MTSS1: variants seen among roughly 807,000 people sequenced by gnomAD.
The protein encoded by MTSS1 is MTSS I-BAR domain containing 1.
MTSS1 carries 18 observed loss-of-function variants against 79.0 expected under a neutral mutation model. That is an observed-to-expected ratio of 0.23 (90% CI 0.16 to 0.34). MTSS1 has a LOEUF of 0.34. Among genes scored for constraint, MTSS1 ranks in the 10% least tolerant of loss-of-function variants. The pLI is 1.00. For synonymous variants in MTSS1, 341 were observed against 368.6 expected, an observed-to-expected ratio of 0.93 and a Z score of 0.86; for missense variants, 815 against 986.2, an observed-to-expected ratio of 0.83 and a Z score of 2.33.
chr8:124,720,315 T>G (rs562918665), intron 1 of MTSS1, among the ~76,000 whole-genome samples: 1 of 152,340 alleles, frequency 6.6e-6, no homozygotes, highest in South Asian at 2.1e-4. Context: ...AAGGCAGGAC[T>G]GCCACATTCG....
chr8:124,557,907 GA>G lies in MTSS1; in HGVS notation c.1036-33del, dbSNP rs560196530. On this transcript the variant is annotated intron_variant, in intron 10 of 13. Coordinates refer to ENST00000518547, the MANE Select transcript of MTSS1 (RefSeq NM_014751.6). ...ACAAACAAAAAAAGGGGGGGGGAAG[GA>G]AAAAAAATTAATATAACAGGATGAG... The G allele has an allele frequency of 1.7e-4, 253 of 1,496,682 alleles. No homozygotes were observed. In the African/African-American group the frequency reaches 1.8e-3, roughly 10 times the overall value. The allele number at this position is 1,496,682 out of a possible 1,614,324, so 92.7% of individuals were successfully genotyped here. A position where few individuals can be genotyped will look rare whatever the true frequency, so the allele number is the denominator to read the frequency against.
Position 124,597,051 on chromosome 8 carries a change from G to A in MTSS1, c.209-5816C>T, listed in dbSNP as rs755943329. On this transcript the variant is annotated intron_variant, in intron 3 of 13. Transcript: ENST00000518547. This position sits in a 1 kb window ranked among gnomAD's most constrained non-coding sequence, Gnocchi z 4.6. ...CATCAACCTATCTTTCTGGGGGTGC[G>A]CCGCAGTCCACGGCCCACATCCTAC... is the stretch of plus-strand genomic sequence containing the variant. Among the ~76,000 whole-genome samples, 9 of 152,112 alleles carry A rather than the reference G, an allele frequency of 5.9e-5. No individual in the cohort carries two copies. Among genetic ancestry groups the A allele is most frequent in the South Asian group, 2.1e-4 (1 of 4,826 alleles).
At chr8:124,604,278 G>A (rs192170556) in intron 3 of MTSS1, among the ~76,000 whole-genome samples, 1 of 152,164 alleles carries the variant, frequency 6.6e-6, no homozygotes, top group Non-Finnish European at 1.5e-5. Context: ...TGATGAATTT[G>A]TGTTGGGCCA....
intron 3 of MTSS1, among the ~76,000 whole-genome samples, chr8:124,619,939 T>C (rs1217799850): frequency 3.5e-5 from 5 of 144,386 alleles, no homozygotes; most frequent in Non-Finnish European, 7.5e-5. Context: ...CTGTTTTTCT[T>C]TTCTTTTCTT....
intron 3 of MTSS1, among the ~76,000 whole-genome samples, chr8:124,682,335 G>A (rs1826253805): frequency 6.6e-6 from 1 of 152,172 alleles, no homozygotes. Flanking sequence ...TAAATAGCAG[G>A]TCCCTGGAGG....
chr8:124,702,394 T>C (rs1351168013), intron 2 of MTSS1, among the ~76,000 whole-genome samples: 1 of 152,196 alleles, frequency 6.6e-6, no homozygotes, highest in Non-Finnish European at 1.5e-5. Context: ...AGGTGGGATC[T>C]GATCCAGTAG....
intron 3 of MTSS1, among the ~76,000 whole-genome samples, chr8:124,669,181 GAGA>G (rs1289742882): frequency 6.6e-6 from 1 of 152,180 alleles, no homozygotes; most frequent in African/African-American, 2.4e-5. Flanking sequence ...GGTGCAATTA[GAGA>G]AGATTTCAGC....
At chr8:124,568,111 C>G in intron 7 of MTSS1, 1 of 712,684 alleles carries the variant, frequency 1.4e-6, no homozygotes, top group Non-Finnish European at 2.2e-6. Flanking sequence ...ATGCTGCTGA[C>G]CTGGGGACCT....
chr8:124,565,942 T>C, intron 8 of MTSS1, 183 bp from the exon 9 acceptor site: 1 of 458,256 alleles, frequency 2.2e-6, no homozygotes, highest in Non-Finnish European at 3.9e-6. Flanking sequence ...AATATCATAA[T>C]CCTTTTACTG....
intron 6 of MTSS1, among the ~76,000 whole-genome samples, chr8:124,583,812 G>A (rs187065938): frequency 1.3e-3 from 200 of 152,254 alleles, no homozygotes; most frequent in African/African-American, 4.7e-3. Flanking sequence ...CAGACTTCAT[G>A]GAATATGGTA....
intron 3 of MTSS1, among the ~76,000 whole-genome samples, chr8:124,616,168 G>A (rs3110542): frequency 6.6e-6 from 1 of 152,204 alleles, no homozygotes; most frequent in Non-Finnish European, 1.5e-5. Context: ...ACGCTCTGCT[G>A]TGATGTCAGA....
chr8:124,670,448 G>T (rs780210729), intron 3 of MTSS1, among the ~76,000 whole-genome samples: 1 of 151,956 alleles, frequency 6.6e-6, no homozygotes, highest in African/African-American at 2.4e-5. Flanking sequence ...ACCCCACACA[G>T]CCTGGCAGGT....
intron 3 of MTSS1, among the ~76,000 whole-genome samples, chr8:124,626,906 C>G (rs1814796544): frequency 6.6e-6 from 1 of 152,256 alleles, no homozygotes; most frequent in African/African-American, 2.4e-5. Context: ...GGAAAGGTCT[C>G]CCAAGGCAGG....
intron 1 of MTSS1, among the ~76,000 whole-genome samples, chr8:124,715,407 A>G (rs775213193): frequency 6.7e-6 from 1 of 149,972 alleles, no homozygotes; most frequent in African/African-American, 2.5e-5. Flanking sequence ...TTTAATCCAT[A>G]TTCCCTTTTA....
At chr8:124,648,885 C>A (rs547743256) in intron 3 of MTSS1, among the ~76,000 whole-genome samples, 1 of 152,312 alleles carries the variant, frequency 6.6e-6, no homozygotes, top group East Asian at 1.9e-4. Context: ...TCATCGAGTA[C>A]TATGGGGTCC....
chr8:124,663,180 C>T lies in MTSS1; in HGVS notation c.208+36346G>A, dbSNP rs566187354. Among the ~76,000 whole-genome samples the T allele has an allele frequency of 9.2e-5, 14 of 152,234 alleles. No individual in the cohort carries two copies. The East Asian group carries it at 2.5e-3, about 27-fold the overall frequency. On this transcript the variant is annotated intron_variant, in intron 3 of 13. Transcript: ENST00000518547. ...GTGTCTCTAGGAAAAGAGGGAGTGC[C>T]AGCAGCATGGCCAGACACTCCCTTT...
At position 124,606,523 on chromosome 8, in the gene MTSS1, G is replaced by A. The variant is rs180751730; in HGVS notation, c.209-15288C>T. Among the ~76,000 whole-genome samples the A allele has an allele frequency of 4.5e-3, 684 of 152,212 alleles. 2 individuals carry two copies. Among genetic ancestry groups the A allele is most frequent in the South Asian group, 0.025 (122 of 4,820 alleles). On this transcript the variant is annotated intron_variant, in intron 3 of 13. Transcript: ENST00000518547. Reference sequence around the variant, plus strand: ...AGAGAGGTTAAGTAACTTGCCCAAGGTCACACAGAATTCAGAATTTACATC... The same window carrying A: ...AGAGAGGTTAAGTAACTTGCCCAAGATCACACAGAATTCAGAATTTACATC...
intron 6 of MTSS1, among the ~76,000 whole-genome samples, chr8:124,581,969 G>C (rs1244895241): frequency 1.3e-5 from 2 of 152,176 alleles, no homozygotes; most frequent in Non-Finnish European, 2.9e-5. Flanking sequence ...GAGGGCTCAA[G>C]AGACACTGTT....
chr8:124,664,945 A>G (rs1188669595), intron 3 of MTSS1, among the ~76,000 whole-genome samples: 1 of 152,234 alleles, frequency 6.6e-6, no homozygotes, highest in African/African-American at 2.4e-5. Flanking sequence ...ACAACTCTGA[A>G]AGGCATTTCA....
Sources: gnomAD v4.1 joint callset for allele counts (sites outside exome capture counted in the v4.1 genomes callset) on GRCh38, gnomAD v4.1.1 for gene constraint, Gnocchi (gnomAD v3.1) non-coding constraint, MANE v1.5 for transcripts, NCBI Gene and HGNC (gene_info 2026-07-23, HGNC 2026-07-21) for gene names.